The following CSMD3 variants were observed in gnomAD, a reference collection of about 807,000 sequenced individuals.
CSMD3 encodes CUB and Sushi multiple domains 3, also known as CUB and sushi domain-containing protein 3.
CSMD3 carries 177 observed loss-of-function variants against 435.2 expected under a neutral mutation model. The ratio of observed to expected loss-of-function variants is 0.41; its 90% confidence interval spans 0.36 to 0.46. The LOEUF (loss-of-function observed/expected upper bound fraction) is 0.46. Ranked by LOEUF, CSMD3 falls within the 20% of genes least tolerant of loss-of-function variation. CSMD3 has a pLI of 0.34. For missense variants in CSMD3, 4,265 were observed against 4,504.6 expected, an observed-to-expected ratio of 0.95 and a Z score of 1.52; for synonymous variants, 1,656 against 1,520.5, an observed-to-expected ratio of 1.09 and a Z score of -2.07.
chr8:113,223,320 C>T (rs540494667), intron 3 of CSMD3, among the ~76,000 whole-genome samples: 1 of 150,228 alleles, frequency 6.7e-6, no homozygotes, highest in African/African-American at 2.4e-5. Flanking sequence ...TTTTTGTGTT[C>T]TGATATAAAA....
intron 58 of CSMD3, among the ~76,000 whole-genome samples, chr8:112,282,115 C>G (rs1818713468): frequency 6.6e-6 from 1 of 151,906 alleles, no homozygotes; most frequent in Non-Finnish European, 1.5e-5. Flanking sequence ...ATTTTAGTAC[C>G]TTACAGAAGT....
chr8:113,269,281 T>A (rs2093498710), intron 3 of CSMD3, among the ~76,000 whole-genome samples: 1 of 152,032 alleles, frequency 6.6e-6, no homozygotes, highest in Non-Finnish European at 1.5e-5. Context: ...CAAGAACAAC[T>A]ACAAACCACT....
intron 59 of CSMD3, among the ~76,000 whole-genome samples, chr8:112,268,205 G>C (rs1332397723): frequency 6.6e-6 from 1 of 152,042 alleles, no homozygotes; most frequent in Non-Finnish European, 1.5e-5. Context: ...TTAAATATTT[G>C]TTTGAAGGAT....
intron 4 of CSMD3, among the ~76,000 whole-genome samples, chr8:113,170,400 G>A (rs541970567): frequency 1.3e-5 from 2 of 152,204 alleles, no homozygotes; most frequent in Admixed American, 6.6e-5. Flanking sequence ...TTAGTAACAC[G>A]TGAGAACTAA....
intron 12 of CSMD3, among the ~76,000 whole-genome samples, chr8:112,822,114 G>T (rs951001291): frequency 1.3e-5 from 2 of 152,076 alleles, no homozygotes. Context: ...TTTTGCTTAG[G>T]ATTGTCTTGG....
At chr8:112,978,176 A>G (rs1313659337) in intron 6 of CSMD3, among the ~76,000 whole-genome samples, 1 of 152,064 alleles carries the variant, frequency 6.6e-6, no homozygotes, top group East Asian at 1.9e-4. Context: ...AAAAGAAACT[A>G]TTAACTATAA....
intron 27 of CSMD3, among the ~76,000 whole-genome samples, chr8:112,540,176 G>T (rs1765055985): frequency 1.3e-5 from 2 of 151,706 alleles, no homozygotes; most frequent in South Asian, 2.1e-4. Flanking sequence ...CCAGGTAAAT[G>T]AAAAAAATGC....
At chr8:112,850,558 T>A (rs372122009) in intron 11 of CSMD3, among the ~76,000 whole-genome samples, 2 of 152,318 alleles carry the variant, frequency 1.3e-5, no homozygotes, top group East Asian at 3.9e-4. Context: ...TGAATACATA[T>A]GTTGAAACAT....
intron 13 of CSMD3, among the ~76,000 whole-genome samples, chr8:112,713,016 T>G (rs1452326314): frequency 6.6e-6 from 1 of 152,066 alleles, no homozygotes; most frequent in Non-Finnish European, 1.5e-5. Context: ...CAAAACAGTA[T>G]GCAAATCCAG....
chr8:113,020,126 G>A (rs2086633073), intron 5 of CSMD3, among the ~76,000 whole-genome samples: 1 of 138,932 alleles, frequency 7.2e-6, no homozygotes, highest in Non-Finnish European at 1.5e-5. Context: ...TTGCGCCACT[G>A]CAGTCCGCAG....
intron 22 of CSMD3, among the ~76,000 whole-genome samples, chr8:112,596,832 C>A (rs993825845): frequency 5.3e-5 from 8 of 151,868 alleles, no homozygotes; most frequent in African/African-American, 1.9e-4. Context: ...AACAAAGACA[C>A]AATATACCAG....
At chr8:112,806,647 G>C (rs1487377369) in intron 12 of CSMD3, among the ~76,000 whole-genome samples, 2 of 152,142 alleles carry the variant, frequency 1.3e-5, no homozygotes, top group Non-Finnish European at 2.9e-5. Context: ...TTGTATTACA[G>C]GGGTAAGAGA....
Position 112,265,533 on chromosome 8 carries a change from T to C in CSMD3, c.9566A>G (p.Tyr3189Cys). The C allele has an allele frequency of 6.2e-7, 1 of 1,613,558 alleles. No individual in the cohort carries two copies. Among genetic ancestry groups the C allele is most frequent in the Non-Finnish European group, 8.5e-7 (1 of 1,179,542 alleles). The change falls in exon 60 of 71, where the codon TAT (tyrosine) becomes TGT (cysteine). Residue 3189 changes from tyrosine to cysteine, a missense_variant. By Grantham distance (194) the Tyr-to-Cys change is radical (BLOSUM62 -2). Transcript: ENST00000297405. ...GTAAGAAACATTTTGTCCAACCACA[T>C]AATCATCTCCATATCTCAGTCCATT... Reference protein sequence around the residue: ...PANGLRYGDDYVVGQNVSYMC... With the variant: ...PANGLRYGDDCVVGQNVSYMC...
At chr8:112,652,093 A>T (rs2075142178) in intron 18 of CSMD3, among the ~76,000 whole-genome samples, 1 of 152,178 alleles carries the variant, frequency 6.6e-6, no homozygotes, top group Non-Finnish European at 1.5e-5. Context: ...TCATTGCTTT[A>T]ATACCCTATG....
At chr8:112,270,703 T>C (rs1483972197) in intron 59 of CSMD3, among the ~76,000 whole-genome samples, 1 of 152,094 alleles carries the variant, frequency 6.6e-6, no homozygotes, top group African/African-American at 2.4e-5. Context: ...TTTTTAAAGG[T>C]TTTTGTAAGA....
intron 3 of CSMD3, among the ~76,000 whole-genome samples, chr8:113,273,952 AAATAT>A (rs1477958747): frequency 1.3e-5 from 2 of 152,078 alleles, no homozygotes; most frequent in African/African-American, 4.8e-5. Context: ...GAGCTAAATA[AAATAT>A]AAGAATAAGT....
intron 12 of CSMD3, among the ~76,000 whole-genome samples, chr8:112,827,164 A>AATATATATGTATATATAT (rs2079713726): frequency 1.2e-5 from 1 of 82,852 alleles, no homozygotes; most frequent in Non-Finnish European, 2.2e-5. Context: ...GGTTACCATA[A>AATATATATGTATATATAT]ATATATATAT....
At chr8:112,685,376 T>C (rs1461615976) in intron 15 of CSMD3, 30 bp downstream of exon 15, 1 of 1,556,908 alleles carries the variant, frequency 6.4e-7, no homozygotes. Flanking sequence ...AAATATATTA[T>C]ATGGGAAAAA....
At chr8:112,718,635 A>G (rs1767536898) in intron 13 of CSMD3, among the ~76,000 whole-genome samples, 3 of 152,052 alleles carry the variant, frequency 2.0e-5, no homozygotes, top group Admixed American at 6.6e-5. Flanking sequence ...ACTTTTAACT[A>G]CTTCACCTTG....
Sources: gnomAD v4.1 joint callset for allele counts (sites outside exome capture counted in the v4.1 genomes callset) on GRCh38, gnomAD v4.1.1 for gene constraint, MANE v1.5 for transcripts, NCBI Gene and HGNC (gene_info 2026-07-23, HGNC 2026-07-21) for gene names.